The following BCKDHB variants were observed in gnomAD, a reference collection of about 807,000 sequenced individuals.
BCKDHB encodes the protein branched chain keto acid dehydrogenase E1 subunit beta.
A neutral mutation model predicts 48.5 loss-of-function variants in BCKDHB; 41 were observed. The observed-to-expected ratio is 0.85, with a 90% CI of 0.66 to 1.10. BCKDHB has a LOEUF of 1.10. Among genes scored for constraint, BCKDHB ranks in the 50% least tolerant of loss-of-function variants. BCKDHB has a pLI of 0.00. For missense variants in BCKDHB, 496 were observed against 494.2 expected, an observed-to-expected ratio of 1.00 and a Z score of -0.03; for synonymous variants, 201 against 174.8, an observed-to-expected ratio of 1.15 and a Z score of -1.18.
At chr6:80,200,634 A>G (rs1774346318) in intron 6 of BCKDHB, among the ~76,000 whole-genome samples, 2 of 152,198 alleles carry the variant, frequency 1.3e-5, no homozygotes, top group African/African-American at 2.4e-5. Flanking sequence ...TAATAAACCA[A>G]TATTGATACA....
the BCKDHB span, chr6:80,355,605 C>T: frequency 2.0e-5 from 3 of 152,030 alleles, no homozygotes; most frequent in Admixed American, 1.3e-4. Flanking sequence ...TCTTCCCTAA[C>T]CCAGAGGGCA....
At chr6:80,307,079 G>C (rs1767920523) in intron 9 of BCKDHB, among the ~76,000 whole-genome samples, 1 of 152,172 alleles carries the variant, frequency 6.6e-6, no homozygotes, top group African/African-American at 2.4e-5. Context: ...CTAAGTCTGA[G>C]ACTCGCTCCC....
the BCKDHB span, among the ~76,000 whole-genome samples, chr6:80,456,722 C>T: frequency 6.6e-6 from 1 of 152,176 alleles, no homozygotes; most frequent in African/African-American, 2.4e-5. Context: ...AGTGCAGAAT[C>T]TTACTGGATC....
At chr6:80,183,558 A>C (rs1205909767) in intron 6 of BCKDHB, among the ~76,000 whole-genome samples, 2 of 152,120 alleles carry the variant, frequency 1.3e-5, no homozygotes, top group African/African-American at 4.8e-5. Context: ...TCCCCATCAG[A>C]GTTGTACATT....
the BCKDHB span, among the ~76,000 whole-genome samples, chr6:80,403,152 A>G: frequency 6.6e-6 from 1 of 151,784 alleles, no homozygotes; most frequent in Admixed American, 6.6e-5. Flanking sequence ...AGGCCATTGT[A>G]ATTTTGATAG....
At chr6:80,308,365 T>C (rs1338531218) in intron 9 of BCKDHB, among the ~76,000 whole-genome samples, 1 of 152,132 alleles carries the variant, frequency 6.6e-6, no homozygotes, top group Non-Finnish European at 1.5e-5. Flanking sequence ...CCATTTAGAT[T>C]GTTTACTCAC....
At chr6:80,368,883 C>T in the BCKDHB span, among the ~76,000 whole-genome samples, 3 of 151,828 alleles carry the variant, frequency 2.0e-5, no homozygotes, top group Non-Finnish European at 2.9e-5. Context: ...CGTGGTGGCT[C>T]GTGCCTGTAG....
At chr6:80,150,979 G>A (rs1387731311) in intron 3 of BCKDHB, among the ~76,000 whole-genome samples, 1 of 152,104 alleles carries the variant, frequency 6.6e-6, no homozygotes, top group African/African-American at 2.4e-5. Flanking sequence ...GTTATATTAT[G>A]CCATTTTTAA....
At chr6:80,373,595 T>A in the BCKDHB span, among the ~76,000 whole-genome samples, 1 of 152,064 alleles carries the variant, frequency 6.6e-6, no homozygotes, top group Admixed American at 6.6e-5. Context: ...TAACGCTATG[T>A]CAGTGGATAA....
At chr6:80,129,364 C>T in intron 3 of BCKDHB, 135 bp downstream of exon 3, 1 of 711,978 alleles carries the variant, frequency 1.4e-6, no homozygotes, top group Non-Finnish European at 2.5e-6. Context: ...CCAACGCCAC[C>T]CGCAGAATCC....
At chr6:80,210,763 C>T (rs1333553018) in intron 8 of BCKDHB, among the ~76,000 whole-genome samples, 3 of 152,118 alleles carry the variant, frequency 2.0e-5, no homozygotes, top group Non-Finnish European at 4.4e-5. Flanking sequence ...CCCTGCAACT[C>T]AGCTCAGCTG....
intron 9 of BCKDHB, among the ~76,000 whole-genome samples, chr6:80,286,404 C>T (rs1188233004): frequency 6.6e-6 from 1 of 152,092 alleles, no homozygotes; most frequent in Non-Finnish European, 1.5e-5. Flanking sequence ...CCTTGTTACT[C>T]AAAATTGGGA....
chr6:80,234,999 C>T (rs189540402), intron 8 of BCKDHB, among the ~76,000 whole-genome samples: 28 of 152,182 alleles, frequency 1.8e-4, no homozygotes, highest in African/African-American at 6.0e-4. Context: ...TAGTGGTAAC[C>T]AGAGTCAGCA....
At chr6:80,311,161 G>T (rs900435749) in intron 9 of BCKDHB, among the ~76,000 whole-genome samples, 44 of 150,748 alleles carry the variant, frequency 2.9e-4, no homozygotes, top group Non-Finnish European at 5.6e-4. Flanking sequence ...AAAAAGGGGA[G>T]TTTCCCTACA....
At chr6:80,449,017 G>A in the BCKDHB span, among the ~76,000 whole-genome samples, 1 of 152,138 alleles carries the variant, frequency 6.6e-6, no homozygotes, top group Non-Finnish European at 1.5e-5. Flanking sequence ...AACAAAATCA[G>A]TAGTAATTTC....
chr6:80,400,302 A>G, the BCKDHB span, among the ~76,000 whole-genome samples: 1 of 152,114 alleles, frequency 6.6e-6, no homozygotes, highest in East Asian at 1.9e-4. Flanking sequence ...GAATGGGAGA[A>G]AATTTTTGCG....
chr6:80,167,838 G>C (rs1772655519), intron 4 of BCKDHB, 27 bp downstream of exon 4: 1 of 1,609,044 alleles, frequency 6.2e-7, no homozygotes, highest in Non-Finnish European at 8.5e-7. Flanking sequence ...TTCTAAGGTT[G>C]TTCATTCATT....
At chr6:80,209,919 A>C (rs756078679) in intron 8 of BCKDHB, among the ~76,000 whole-genome samples, 6 of 152,058 alleles carry the variant, frequency 3.9e-5, no homozygotes, top group Non-Finnish European at 7.4e-5. Context: ...TACTTACACA[A>C]TCAAAAAGAA....
At chr6:80,388,694 G>C in the BCKDHB span, among the ~76,000 whole-genome samples, 1 of 152,162 alleles carries the variant, frequency 6.6e-6, no homozygotes, top group African/African-American at 2.4e-5. Flanking sequence ...CTCTCTCTCA[G>C]CCTGCACCAG....
Sources: gnomAD v4.1 joint callset for allele counts (sites outside exome capture counted in the v4.1 genomes callset) on GRCh38, gnomAD v4.1.1 for gene constraint, MANE v1.5 for transcripts, NCBI Gene and HGNC (gene_info 2026-07-23, HGNC 2026-07-21) for gene names.